The following CAPN8 variants were observed in gnomAD, a reference collection of about 807,000 sequenced individuals.
CAPN8 encodes the protein calpain 8.
CAPN8 carries 87 observed loss-of-function variants against 80.9 expected under a neutral mutation model. That is an observed-to-expected ratio of 1.07 (90% confidence interval 0.90 to 1.28). CAPN8 has a LOEUF of 1.28. Ranked by LOEUF, CAPN8 falls within the 50% of genes most tolerant of loss-of-function variation. The probability of loss-of-function intolerance (pLI) is 0.00; values close to 1 mark genes in which losing one functional copy is unlikely to be tolerated. For missense variants in CAPN8, 757 were observed against 702.0 expected, an observed-to-expected ratio of 1.08 and a Z score of -0.89; for synonymous variants, 299 against 273.8, an observed-to-expected ratio of 1.09 and a Z score of -0.91.
In CAPN8 at chr1:223,612,371, G is replaced by A. The variant is rs527714994; in HGVS notation, c.1312-114C>T. 2.9e-5 allele frequency: 27 copies of A among 922,398 alleles called. No homozygotes were observed. The South Asian group carries it at 1.2e-3, about 42-fold the overall frequency. The allele number at this position is 922,398 out of a possible 1,614,324, so 57.1% of individuals were successfully genotyped here. A position where few individuals can be genotyped will look rare whatever the true frequency, so the allele number is the denominator to read the frequency against. On this transcript the variant is annotated intron_variant, in intron 10 of 20. Transcript: ENST00000366872. Reference sequence around the variant, plus strand: ...GACTGTGCAGTCCTGGGGCAACTGAGGAGACATTTGTGCTAAAGTGAGAAG... The same window carrying A: ...GACTGTGCAGTCCTGGGGCAACTGAAGAGACATTTGTGCTAAAGTGAGAAG...
chr1:223,659,011 C>A (rs146534246), intron 1 of CAPN8, among the ~76,000 whole-genome samples: 55 of 152,158 alleles, frequency 3.6e-4, no homozygotes, highest in Non-Finnish European at 7.1e-4. Flanking sequence ...CACTTAGAAC[C>A]CTTTTTTATC....
At chr1:223,645,863 G>C (rs1186758961) in intron 2 of CAPN8, among the ~76,000 whole-genome samples, 2 of 152,176 alleles carry the variant, frequency 1.3e-5, no homozygotes, top group Non-Finnish European at 1.5e-5. Context: ...AGAAGGGAGA[G>C]GGTAAACTGA....
At chr1:223,553,229 G>A (rs1004922974) in intron 14 of CAPN8, among the ~76,000 whole-genome samples, 5 of 152,154 alleles carry the variant, frequency 3.3e-5, no homozygotes, top group African/African-American at 9.7e-5. Context: ...GGCCCCCACC[G>A]GGCTGCTACC....
At chr1:223,660,986 G>A (rs1658628907) in intron 1 of CAPN8, among the ~76,000 whole-genome samples, 1 of 152,114 alleles carries the variant, frequency 6.6e-6, no homozygotes, top group East Asian at 1.9e-4. Flanking sequence ...CGCCAACATG[G>A]CAAAACCCAA....
chr1:223,616,348 C>A (rs1370099132), intron 9 of CAPN8, among the ~76,000 whole-genome samples: 1 of 152,216 alleles, frequency 6.6e-6, no homozygotes, highest in Non-Finnish European at 1.5e-5. Context: ...CACACACAGA[C>A]ATATGGCATC....
intron 2 of CAPN8, among the ~76,000 whole-genome samples, chr1:223,635,176 A>G (rs1016894784): frequency 1.3e-5 from 2 of 152,214 alleles, no homozygotes; most frequent in African/African-American, 4.8e-5. Context: ...CTACTCTTCC[A>G]CAGAAGGCTG....
intron 13 of CAPN8, among the ~76,000 whole-genome samples, chr1:223,557,869 T>C (rs1226945546): frequency 6.6e-6 from 1 of 152,234 alleles, no homozygotes; most frequent in East Asian, 1.9e-4. Flanking sequence ...GTGGGTGCTC[T>C]ATCTGTGGGT....
chr1:223,641,776 G>A (rs994688039), intron 2 of CAPN8, among the ~76,000 whole-genome samples: 6 of 152,106 alleles, frequency 3.9e-5, no homozygotes, highest in East Asian at 1.9e-4. Flanking sequence ...CCTCTTCCCC[G>A]CCTTCTTTCC....
intron 2 of CAPN8, among the ~76,000 whole-genome samples, chr1:223,632,738 G>A (rs566932283): frequency 1.3e-5 from 2 of 152,284 alleles, no homozygotes; most frequent in South Asian, 4.2e-4. Flanking sequence ...GGTGAATAAG[G>A]CAGACAAAAA....
intron 2 of CAPN8, among the ~76,000 whole-genome samples, chr1:223,653,067 TTG>T (rs1056290051): frequency 1.1e-4 from 16 of 151,620 alleles, no homozygotes; most frequent in Admixed American, 3.3e-4. Context: ...GCCTTCGAAG[TTG>T]TGTGTCCCTG....
Position 223,615,979 on chromosome 1 carries a change from G to A in CAPN8, c.1302C>T (p.Ala434=), listed in dbSNP as rs369989023. 587 of 1,552,034 alleles carry A rather than the reference G, an allele frequency of 3.8e-4. No individual in the cohort carries two copies. Among genetic ancestry groups the A allele is most frequent in the Admixed American group, 8.2e-4 (42 of 50,992 alleles). Residue 434 remains alanine (A), a synonymous_variant, in exon 10 of 21, where the codon GCC becomes GCT. Transcript: ENST00000366872. The part of the protein sequence containing the change: ...IGQGMLSIGY[A]VYQVPKELES... Reference sequence around the variant, plus strand: ...CCCAGCACAGCAGTACCTGGTAGACGGCATAGCCGATGCTAAGCATGCCTT... The same window carrying A: ...CCCAGCACAGCAGTACCTGGTAGACAGCATAGCCGATGCTAAGCATGCCTT...
At chr1:223,622,483 C>G (rs974361306) in intron 7 of CAPN8, 6 of 283,602 alleles carry the variant, frequency 2.1e-5, no homozygotes, top group Non-Finnish European at 4.0e-5. Context: ...TGGAAAGAAA[C>G]AGACTGTGAG....
chr1:223,640,850 C>A (rs1193269795), intron 2 of CAPN8, among the ~76,000 whole-genome samples: 1 of 152,136 alleles, frequency 6.6e-6, no homozygotes, highest in Non-Finnish European at 1.5e-5. Context: ...AAACTACCAA[C>A]CATGCCAACC....
At position 223,627,027 on chromosome 1, in the gene CAPN8, C is replaced by A. The variant is rs909510749; in HGVS notation, c.691G>T (p.Ala231Ser). ...CCCAGCAGAGACCCCGCACAGAGGG[C>A]CTTCCGGATGATCTGATATAGATTG... ...PANLYQIIRK[A>S]LCAGSLLGCS... The change falls in exon 5 of 21, where the codon GCC (alanine) becomes TCC (serine). Residue 231 changes from alanine to serine, a missense_variant. By Grantham distance (99) the Ala-to-Ser change is moderately conservative. Transcript: ENST00000366872. 2.2e-5 allele frequency: 34 copies of A among 1,551,780 alleles called. No homozygotes were observed. The highest frequency in any genetic ancestry group is 2.8e-5 in the Non-Finnish European group (32 of 1,147,052).
At chr1:223,652,389 T>C (rs1245788742) in intron 2 of CAPN8, among the ~76,000 whole-genome samples, 1 of 152,098 alleles carries the variant, frequency 6.6e-6, no homozygotes, top group African/African-American at 2.4e-5. Context: ...TTAGAGCAGA[T>C]GACACAGATG....
At chr1:223,614,038 C>T (rs115369994) in intron 10 of CAPN8, among the ~76,000 whole-genome samples, 36 of 152,260 alleles carry the variant, frequency 2.4e-4, no homozygotes, top group South Asian at 1.9e-3. Context: ...TATTTATGAG[C>T]GCAAATGTCA....
At chr1:223,648,864 G>A (rs1235132702) in intron 2 of CAPN8, among the ~76,000 whole-genome samples, 1 of 152,142 alleles carries the variant, frequency 6.6e-6, no homozygotes, top group African/African-American at 2.4e-5. Flanking sequence ...CGGAGTATAA[G>A]ACAGAGTGAA....
intron 2 of CAPN8, among the ~76,000 whole-genome samples, chr1:223,653,627 A>T (rs1658400646): frequency 6.6e-6 from 1 of 152,138 alleles, no homozygotes; most frequent in Non-Finnish European, 1.5e-5. Flanking sequence ...ATTCAGAGCC[A>T]TGTTGCCCAT....
intron 2 of CAPN8, among the ~76,000 whole-genome samples, chr1:223,651,615 T>G (rs1191604159): frequency 6.6e-6 from 1 of 152,166 alleles, no homozygotes; most frequent in East Asian, 1.9e-4. Flanking sequence ...TGCTGGCAAA[T>G]AGCCTAACAC....
Sources: allele counts gnomAD v4.1 joint callset (sites outside exome capture counted in the v4.1 genomes callset), GRCh38; gene constraint gnomAD v4.1.1; transcripts MANE v1.5; gene names NCBI Gene and HGNC (gene_info 2026-07-23, HGNC 2026-07-21).